Variants in ACTN1 observed in about 807,000 individuals in gnomAD.
ACTN1 encodes alpha-actinin-1.
In ACTN1, 30 loss-of-function variants were observed where a neutral mutation model predicts 119.6. The ratio of observed to expected loss-of-function variants is 0.25; its 90% CI spans 0.19 to 0.34. The LOEUF (loss-of-function observed/expected upper bound fraction) is 0.34, where lower values mean the gene tolerates loss of function less well. Ranked by LOEUF, ACTN1 falls within the 10% of genes least tolerant of loss-of-function variation. The pLI is 1.00. For missense variants in ACTN1, 764 were observed against 1,223.4 expected, an observed-to-expected ratio of 0.62 and a Z score of 5.60; for synonymous variants, 429 against 472.6, an observed-to-expected ratio of 0.91 and a Z score of 1.20.
intron 7 of ACTN1, among the ~76,000 whole-genome samples, 164 bp downstream of exon 7, chr14:68,904,491 T>C (rs1489764492): frequency 4.6e-5 from 7 of 152,164 alleles, no homozygotes; most frequent in Non-Finnish European, 5.9e-5. Flanking sequence ...CAAAGAACGA[T>C]GGAAGAATCC....
Position 68,909,908 on chromosome 14 carries a change from G to C in ACTN1, c.515+47C>G, listed in dbSNP as rs774476915. 24 of 1,563,764 alleles carry C rather than the reference G, an allele frequency of 1.5e-5. No individual in the cohort carries two copies. The highest frequency in any genetic ancestry group is 1.6e-5 in the Non-Finnish European group (18 of 1,136,132). On this transcript the variant is annotated intron_variant, in intron 5 of 21. Coordinates refer to ENST00000394419, the MANE Select transcript of ACTN1 (RefSeq NM_001130004.2). This position sits in a 1 kb window ranked among gnomAD's most constrained non-coding sequence, Gnocchi z 4.1. ...GCCAAGGGGGTCTGGGAGCTCCCGGGGGAGGCAGCCTGGTTCTGTGAGAGC... is the reference window on the plus strand; with the variant it reads ...GCCAAGGGGGTCTGGGAGCTCCCGGCGGAGGCAGCCTGGTTCTGTGAGAGC...
intron 8 of ACTN1, among the ~76,000 whole-genome samples, chr14:68,899,276 T>C (rs1594781489): frequency 3.1e-5 from 3 of 96,468 alleles, no homozygotes; most frequent in Admixed American, 1.0e-4. Context: ...ATGCCACACC[T>C]CACACCACAA....
chr14:68,881,925 A>T (rs990356963), intron 16 of ACTN1, among the ~76,000 whole-genome samples: 1 of 117,918 alleles, frequency 8.5e-6, no homozygotes, highest in African/African-American at 3.4e-5. Flanking sequence ...TGGGACTTTC[A>T]TAGGCAGCTT....
In ACTN1 at chr14:68,882,027, C is replaced by T. The variant is rs184633172; in HGVS notation, c.1953+431G>A. ...CTCAGCTCACTGCAATCTCCGTCTC[C>T]CGGGTTCAAGCGATTCTCCTGCCTC... On this transcript the variant is annotated intron_variant, in intron 16 of 21. Coordinates refer to ENST00000394419, the MANE Select transcript of ACTN1 (RefSeq NM_001130004.2). This position sits in a 1 kb window ranked among gnomAD's most constrained non-coding sequence, Gnocchi z 4.5. Among the ~76,000 whole-genome samples, 1 of 146,324 alleles carries T rather than the reference C, an allele frequency of 6.8e-6. No homozygotes were observed. The highest frequency in any genetic ancestry group is 2.0e-4 in the East Asian group (1 of 5,012).
intron 1 of ACTN1, among the ~76,000 whole-genome samples, chr14:68,944,798 G>A (rs867151478): frequency 1.3e-5 from 2 of 152,100 alleles, no homozygotes; most frequent in African/African-American, 4.8e-5. Context: ...AGGCACCAGG[G>A]GGTCTACTAA....
In ACTN1 at chr14:68,878,630, A is replaced by G; in HGVS notation, c.2362-107T>C. ...GGAACAGATGGCCAGAACGGGGATG[A>G]GATTTATGGTTTTGGGGGTCAGGAT... is the stretch of plus-strand genomic sequence containing the variant. On this transcript the variant is annotated intron_variant, in intron 19 of 21. Transcript: ENST00000394419. The surrounding 1 kb of genome is among the most constrained non-coding windows in gnomAD (Gnocchi z 4.4). 1.3e-6 allele frequency: 2 copies of G among 1,566,726 alleles called. No homozygotes were observed. The highest frequency in any genetic ancestry group is 1.7e-6 in the Non-Finnish European group (2 of 1,156,504).
Position 68,880,004 on chromosome 14 carries a change from C to T in ACTN1, c.2238G>A (p.Glu746=), listed in dbSNP as rs2031343865. The part of the protein sequence containing the change: ...LTRDAKGISQ[E]QMNEFRASFN... ...AGGAGGCCCGGAACTCATTCATCTGCTCCTGGCTGATGCCCTTGGCATCCC... is the reference window on the plus strand; with the variant it reads ...AGGAGGCCCGGAACTCATTCATCTGTTCCTGGCTGATGCCCTTGGCATCCC... Residue 746 remains glutamate, a synonymous_variant, in exon 18 of 22, where the codon GAG becomes GAA. Transcript: ENST00000394419. The surrounding 1 kb of genome is among the most constrained non-coding windows in gnomAD (Gnocchi z 4.6). 1.9e-6 allele frequency: 3 copies of T among 1,614,092 alleles called. No individual in the cohort carries two copies. The highest frequency in any genetic ancestry group is 1.1e-5 in the South Asian group (1 of 91,094).
intron 1 of ACTN1, among the ~76,000 whole-genome samples, chr14:68,972,717 G>C (rs747641085): frequency 2.6e-5 from 4 of 152,218 alleles, no homozygotes; most frequent in Admixed American, 6.5e-5. Context: ...GAGTGCAAAT[G>C]CTGGAGCCCG....
intron 2 of ACTN1, among the ~76,000 whole-genome samples, chr14:68,924,577 G>A (rs1007453990): frequency 6.6e-6 from 1 of 152,246 alleles, no homozygotes; most frequent in East Asian, 1.9e-4. Context: ...CGGGCTGAGG[G>A]CTGTGAGAGG....
chr14:68,880,775 G>A lies in ACTN1; in HGVS notation c.2133+35C>T. On this transcript the variant is annotated intron_variant, in intron 17 of 21. Coordinates refer to ENST00000394419, the MANE Select transcript of ACTN1 (RefSeq NM_001130004.2). The surrounding 1 kb of genome is among the most constrained non-coding windows in gnomAD (Gnocchi z 4.6). ...AGGAGAAAGAGCAGAAGGGGCCACGGGCTCCCGAAGAGGAACAAGGCCAGC... is the reference window on the plus strand; with the variant it reads ...AGGAGAAAGAGCAGAAGGGGCCACGAGCTCCCGAAGAGGAACAAGGCCAGC... 17 of 1,605,350 alleles carry A rather than the reference G, an allele frequency of 1.1e-5. No homozygotes were observed. Among genetic ancestry groups the A allele is most frequent in the Non-Finnish European group, 1.4e-5 (17 of 1,173,720 alleles).
chr14:68,978,603 T>C, intron 1 of ACTN1: 1 of 286,248 alleles, frequency 3.5e-6, no homozygotes, highest in Non-Finnish European at 6.7e-6. Context: ...CGAGCCGGGG[T>C]CTCAGCCCCA....
At chr14:68,886,921 C>T (rs1359400218) in intron 11 of ACTN1, 1 of 153,172 alleles carries the variant, frequency 6.5e-6, no homozygotes, top group Non-Finnish European at 1.5e-5. Flanking sequence ...CTGTGAGTTG[C>T]TGGGCCCTCA....
chr14:68,946,668 T>C (rs1053398620), intron 1 of ACTN1, among the ~76,000 whole-genome samples: 4 of 152,084 alleles, frequency 2.6e-5, no homozygotes, highest in African/African-American at 9.7e-5. Flanking sequence ...ACATGCTCAC[T>C]GGGGCCCTGG....
At chr14:68,917,896 T>C (rs1249812246) in intron 3 of ACTN1, among the ~76,000 whole-genome samples, 5 of 152,106 alleles carry the variant, frequency 3.3e-5, no homozygotes, top group African/African-American at 1.2e-4. Context: ...TGAAACCCCA[T>C]CTGTACTAAA....
At chr14:68,952,563 G>A (rs2036203992) in intron 1 of ACTN1, among the ~76,000 whole-genome samples, 1 of 152,238 alleles carries the variant, frequency 6.6e-6, no homozygotes, top group Non-Finnish European at 1.5e-5. Flanking sequence ...CTGTCCCTGT[G>A]CCGCAATGCC....
chr14:68,965,980 A>G (rs575425826), intron 1 of ACTN1, among the ~76,000 whole-genome samples: 1 of 152,308 alleles, frequency 6.6e-6, no homozygotes, highest in Admixed American at 6.5e-5. Flanking sequence ...GCACTTTGGG[A>G]GGCCGAGGCA....
chr14:68,964,715 G>A (rs1308087366), intron 1 of ACTN1, among the ~76,000 whole-genome samples: 3 of 152,146 alleles, frequency 2.0e-5, no homozygotes, highest in Non-Finnish European at 2.9e-5. Context: ...TTCCTCATAG[G>A]GCGGCTATGA....
At chr14:68,877,384 G>T in intron 20 of ACTN1, 144 bp from the exon 21 acceptor site, 2 of 948,934 alleles carry the variant, frequency 2.1e-6, no homozygotes, top group Non-Finnish European at 3.1e-6. Flanking sequence ...GTTGTCCTAA[G>T]GGTATGATGG....
chr14:68,890,004 T>TAG, intron 11 of ACTN1, 135 bp downstream of exon 11: 1 of 1,338,734 alleles, frequency 7.5e-7, no homozygotes. Context: ...CTAATGAACT[T>TAG]GCCTAAAGCC....
Sources: allele counts gnomAD v4.1 joint callset (sites outside exome capture counted in the v4.1 genomes callset), GRCh38; gene constraint gnomAD v4.1.1; non-coding constraint Gnocchi (gnomAD v3.1); transcripts MANE v1.5; gene names NCBI Gene and HGNC (gene_info 2026-07-23, HGNC 2026-07-21).